Variants in MTMR14 observed in about 807,000 individuals in gnomAD.
The protein encoded by MTMR14 is myotubularin related protein 14, also known as phosphatidylinositol-3,5-bisphosphate 3-phosphatase MTMR14.
MTMR14 carries 48 observed loss-of-function variants against 86.3 expected under a neutral mutation model. The ratio of observed to expected loss-of-function variants is 0.56; its 90% CI spans 0.44 to 0.71. The LOEUF is 0.71. Ranked by LOEUF, MTMR14 falls within the 30% of genes least tolerant of loss-of-function variation. The pLI, the probability that MTMR14 is intolerant of heterozygous loss-of-function variation, is 0.00. For missense variants in MTMR14, 780 were observed against 834.6 expected, an observed-to-expected ratio of 0.93 and a Z score of 0.81; for synonymous variants, 366 against 326.1, an observed-to-expected ratio of 1.12 and a Z score of -1.32.
intron 5 of MTMR14, 104 bp downstream of exon 5, chr3:9,669,596 G>T (rs1383106706): frequency 1.6e-6 from 2 of 1,231,646 alleles, no homozygotes; most frequent in African/African-American, 3.0e-5. Flanking sequence ...ACTGGTTCAG[G>T]TGAGTGGATT....
chr3:9,677,719 G>C lies in MTMR14; in HGVS notation c.823-265G>C, dbSNP rs2075629527. On this transcript the variant is annotated intron_variant, in intron 8 of 18. Coordinates refer to ENST00000296003, the MANE Select transcript of MTMR14 (RefSeq NM_001077525.3). The surrounding 1 kb of genome is among the most constrained non-coding windows in gnomAD (Gnocchi z 4.2). ...TCCCCAGCCTGTAGGGGCAGGCTAT[G>C]GGAAACCTGCCGGAAGCTGAACACA... Among the ~76,000 whole-genome samples, 1 of 152,156 alleles carries C rather than the reference G, an allele frequency of 6.6e-6. No homozygotes were observed. Among genetic ancestry groups the C allele is most frequent in the Non-Finnish European group, 1.5e-5 (1 of 68,026 alleles).
In MTMR14 at chr3:9,662,303, C is replaced by T. The variant is rs772350090; in HGVS notation, c.345C>T (p.Asp115=). Reference sequence around the variant, plus strand: ...CCGTACAGGTGAGCAAGTTGCAAGACCTCATCCACCGCAGCAAGATGGCCC... The same window carrying T: ...CCGTACAGGTGAGCAAGTTGCAAGATCTCATCCACCGCAGCAAGATGGCCC... ...ESTVQVSKLQ[D]LIHRSKMARC... The change falls in exon 3 of 19, where the codon GAC becomes GAT. Residue 115 remains aspartate (D), a synonymous_variant. Transcript: ENST00000296003. 2.5e-6 allele frequency: 4 copies of T among 1,613,226 alleles called. No homozygotes were observed. The African/African-American group carries it at 4.0e-5, about 16-fold the overall frequency.
At chr3:9,697,649 A>C in intron 17 of MTMR14, 62 bp from the exon 18 acceptor site, 111 of 1,577,794 alleles carry the variant, frequency 7.0e-5, no homozygotes, top group Non-Finnish European at 8.9e-5. Flanking sequence ...AGCCCCCTCC[A>C]GAGCCTGTGT....
intron 1 of MTMR14, among the ~76,000 whole-genome samples, 157 bp downstream of exon 1, chr3:9,649,899 A>G (rs1341884992): frequency 1.3e-5 from 2 of 152,122 alleles, no homozygotes; most frequent in Non-Finnish European, 2.9e-5. Flanking sequence ...TATCCGGAGT[A>G]TAAGAGTCGG....
At chr3:9,668,359 A>G (rs1574978341) in intron 3 of MTMR14, among the ~76,000 whole-genome samples, 2 of 152,210 alleles carry the variant, frequency 1.3e-5, no homozygotes, top group Non-Finnish European at 2.9e-5. Context: ...AACAGCAACA[A>G]TGCATGCCAC....
chr3:9,684,873 T>C lies in MTMR14; in HGVS notation c.1051-15T>C. On this transcript the variant is annotated splice_polypyrimidine_tract_variant and intron_variant, in intron 11 of 18. Transcript: ENST00000296003. The stretch of plus-strand genomic sequence containing the variant: ...GAGAAGAGGGCTCTGTCACATCTCC[T>C]GTGGTCTCTTCCAGGATGGGCTCAT... The C allele has an allele frequency of 6.2e-7, 1 of 1,613,776 alleles. No individual in the cohort carries two copies. Among genetic ancestry groups the C allele is most frequent in the South Asian group, 1.1e-5 (1 of 91,066 alleles).
At chr3:9,690,196 T>A (rs1043288993) in intron 17 of MTMR14, 53 bp downstream of exon 17, 1 of 1,597,862 alleles carries the variant, frequency 6.3e-7, no homozygotes, top group African/African-American at 1.3e-5. Context: ...TCCCCCTTAA[T>A]AAGACTGGAG....
chr3:9,680,836 C>CA (rs1553679333), intron 9 of MTMR14, among the ~76,000 whole-genome samples: 9 of 148,824 alleles, frequency 6.0e-5, no homozygotes, highest in Admixed American at 1.3e-4. Flanking sequence ...GACTCCGTCT[C>CA]AAAAAAACAA....
In MTMR14 at chr3:9,672,673, C is replaced by T. The variant is rs970950438; in HGVS notation, c.678-12C>T. ...TTGCGACACTGTAACACATTGTATCCTTGTCTTGTAGTGTAACCTCCTCTG... is the reference window on the plus strand; with the variant it reads ...TTGCGACACTGTAACACATTGTATCTTTGTCTTGTAGTGTAACCTCCTCTG... On this transcript the variant is annotated splice_polypyrimidine_tract_variant and intron_variant, in intron 6 of 18. Coordinates refer to ENST00000296003, the MANE Select transcript of MTMR14 (RefSeq NM_001077525.3). The T allele has an allele frequency of 1.9e-6, 3 of 1,612,522 alleles. No homozygotes were observed. Among genetic ancestry groups the T allele is most frequent in the Non-Finnish European group, 2.5e-6 (3 of 1,178,558 alleles).
At chr3:9,651,860 C>G (rs185972485) in intron 1 of MTMR14, among the ~76,000 whole-genome samples, 1 of 147,044 alleles carries the variant, frequency 6.8e-6, no homozygotes, top group African/African-American at 2.5e-5. Context: ...GAGATGGCGT[C>G]TCACTCTGTC....
In MTMR14 at chr3:9,677,413, T is replaced by A; in HGVS notation, c.822+26T>A. On this transcript the variant is annotated intron_variant, in intron 8 of 18. Coordinates refer to ENST00000296003, the MANE Select transcript of MTMR14 (RefSeq NM_001077525.3). This position sits in a 1 kb window ranked among gnomAD's most constrained non-coding sequence, Gnocchi z 4.2. Reference sequence around the variant, plus strand: ...GTATGAGCAATAACATACATCAAATTGGATCTATGTCTCTTTGTAAAGGGA... The same window carrying A: ...GTATGAGCAATAACATACATCAAATAGGATCTATGTCTCTTTGTAAAGGGA... 6.3e-7 allele frequency: 1 copy of A among 1,598,228 alleles called. No individual in the cohort carries two copies. Among genetic ancestry groups the A allele is most frequent in the Non-Finnish European group, 8.6e-7 (1 of 1,165,596 alleles).
intron 5 of MTMR14, 22 bp downstream of exon 5, chr3:9,669,514 T>G: frequency 6.2e-7 from 1 of 1,608,314 alleles, no homozygotes; most frequent in Non-Finnish European, 8.5e-7. Context: ...GTTGCTGTGG[T>G]CAGGGGCTTG....
chr3:9,667,052 C>T (rs1179324993), intron 3 of MTMR14, among the ~76,000 whole-genome samples: 1 of 152,106 alleles, frequency 6.6e-6, no homozygotes, highest in East Asian at 1.9e-4. Flanking sequence ...ACTAAAAAGA[C>T]AAGGTCAATA....
intron 4 of MTMR14, among the ~76,000 whole-genome samples, 154 bp downstream of exon 4, chr3:9,668,948 G>C (rs997655351): frequency 2.0e-5 from 3 of 152,048 alleles, no homozygotes; most frequent in African/African-American, 7.3e-5. Flanking sequence ...GACCATCCTG[G>C]CTAACACGGT....
intron 2 of MTMR14, among the ~76,000 whole-genome samples, chr3:9,658,917 T>C (rs927388674): frequency 2.0e-5 from 3 of 152,248 alleles, no homozygotes; most frequent in Non-Finnish European, 4.4e-5. Flanking sequence ...TGGCTGGGCA[T>C]GGTGGCTCAC....
rs2076463420 is a variant in MTMR14, at chr3:9,701,704, A to G, written c.1770-86A>G. 7.3e-7 allele frequency: 1 copy of G among 1,374,838 alleles called. No individual in the cohort carries two copies. Among genetic ancestry groups the G allele is most frequent in the Admixed American group, 2.0e-5 (1 of 49,174 alleles). The allele number at this position is 1,374,838 out of a possible 1,614,324, so 85.2% of individuals were successfully genotyped here. A position where few individuals can be genotyped will look rare whatever the true frequency, so the allele number is the denominator to read the frequency against. ...TTGTACAGTCAGAAGAAGCACAAGG[A>G]CAGGTGGTATGGAGGGAGGGAGGAT... On this transcript the variant is annotated intron_variant, in intron 18 of 18. Transcript: ENST00000296003. This position sits in a 1 kb window ranked among gnomAD's most constrained non-coding sequence, Gnocchi z 4.2.
At chr3:9,699,188 AT>A (rs2076378724) in intron 18 of MTMR14, among the ~76,000 whole-genome samples, 1 of 149,822 alleles carries the variant, frequency 6.7e-6, no homozygotes, top group Admixed American at 6.7e-5. Context: ...AAAAAAAAAA[AT>A]TGCACCTTTC....
intron 2 of MTMR14, among the ~76,000 whole-genome samples, chr3:9,655,022 G>T (rs1312000156): frequency 3.9e-5 from 6 of 152,148 alleles, no homozygotes; most frequent in Non-Finnish European, 7.4e-5. Flanking sequence ...GTGTGAACCT[G>T]TGGGTTGTGT....
chr3:9,672,868 G>T lies in MTMR14; in HGVS notation c.751+110G>T. On this transcript the variant is annotated intron_variant, in intron 7 of 18. Transcript: ENST00000296003. ...GGCGCCCTGGGAGCTTTCCTGGAGG[G>T]TTTGTGTCAGGCAGTGTAGGACATT... 3.0e-6 allele frequency: 3 copies of T among 986,630 alleles called. No individual in the cohort carries two copies. In the South Asian group the frequency reaches 3.8e-5, roughly 13 times the overall value. The allele number at this position is 986,630 out of a possible 1,614,324, so 61.1% of individuals were successfully genotyped here.
Sources: gnomAD v4.1 joint callset for allele counts (sites outside exome capture counted in the v4.1 genomes callset) on GRCh38, gnomAD v4.1.1 for gene constraint, Gnocchi (gnomAD v3.1) non-coding constraint, MANE v1.5 for transcripts, NCBI Gene and HGNC (gene_info 2026-07-23, HGNC 2026-07-21) for gene names.